Variants in CSMD3 observed in about 807,000 individuals in gnomAD.
The protein encoded by CSMD3 is CUB and sushi domain-containing protein 3.
In CSMD3, 177 loss-of-function variants were observed where a neutral mutation model predicts 435.2. The observed-to-expected ratio is 0.41, with a 90% CI of 0.36 to 0.46. The LOEUF is 0.46. Ranked by LOEUF, CSMD3 falls within the 20% of genes least tolerant of loss-of-function variation. The pLI, the probability that CSMD3 is intolerant of heterozygous loss-of-function variation, is 0.34. For missense variants in CSMD3, 4,265 were observed against 4,504.6 expected, an observed-to-expected ratio of 0.95 and a Z score of 1.52; for synonymous variants, 1,656 against 1,520.5, an observed-to-expected ratio of 1.09 and a Z score of -2.07.
intron 6 of CSMD3, among the ~76,000 whole-genome samples, chr8:112,978,240 A>G (rs1475969369): frequency 6.6e-6 from 1 of 152,056 alleles, no homozygotes; most frequent in Non-Finnish European, 1.5e-5. Flanking sequence ...AATTTATACT[A>G]TGTCACATGT....
intron 31 of CSMD3, among the ~76,000 whole-genome samples, chr8:112,491,492 A>G (rs756996483): frequency 1.6e-4 from 25 of 151,996 alleles, no homozygotes; most frequent in Non-Finnish European, 3.2e-4. Flanking sequence ...TCTACTAAAA[A>G]TACAAAAATT....
intron 9 of CSMD3, among the ~76,000 whole-genome samples, chr8:112,946,351 A>C (rs1191444247): frequency 6.6e-6 from 1 of 151,768 alleles, no homozygotes; most frequent in Non-Finnish European, 1.5e-5. Context: ...TGCAGAAGAC[A>C]AGATAATTTA....
chr8:113,124,396 C>A (rs575463399), intron 4 of CSMD3, among the ~76,000 whole-genome samples: 24 of 151,380 alleles, frequency 1.6e-4, no homozygotes, highest in Non-Finnish European at 3.1e-4. Flanking sequence ...CATTATTTAA[C>A]GAGACATCAT....
intron 3 of CSMD3, among the ~76,000 whole-genome samples, chr8:113,211,375 ATTTG>A (rs1307130403): frequency 6.6e-6 from 1 of 152,154 alleles, no homozygotes; most frequent in African/African-American, 2.4e-5. Flanking sequence ...TCACTAAATA[ATTTG>A]TTTGTAAAAC....
intron 30 of CSMD3, among the ~76,000 whole-genome samples, chr8:112,495,538 T>C (rs1381107119): frequency 1.3e-5 from 2 of 152,244 alleles, no homozygotes. Flanking sequence ...TATGTTTACA[T>C]ACTGCTTTAA....
intron 10 of CSMD3, among the ~76,000 whole-genome samples, chr8:112,880,670 T>C (rs1409004517): frequency 6.6e-6 from 1 of 152,004 alleles, no homozygotes. Flanking sequence ...GGGATGTAAA[T>C]AAATGCCTAT....
chr8:113,024,264 G>A (rs1262178923), intron 5 of CSMD3, among the ~76,000 whole-genome samples: 2 of 151,156 alleles, frequency 1.3e-5, no homozygotes, highest in Non-Finnish European at 2.9e-5. Flanking sequence ...TCTTTCTTAA[G>A]GCTGCATAGT....
In CSMD3 at chr8:112,952,682, C is replaced by T. The variant is rs142036310; in HGVS notation, c.1420+2002G>A. On this transcript the variant is annotated intron_variant, in intron 8 of 70. Transcript: ENST00000297405. ...AGGAAATTTGCAAAAAATATTTTGA[C>T]TGAAGTGAGAATTACTTATCTTCAA... Among the ~76,000 whole-genome samples, 1,006 of 151,324 alleles carry T rather than the reference C, an allele frequency of 6.6e-3. 13 individuals carry two copies. The highest frequency in any genetic ancestry group is 0.023 in the African/African-American group (966 of 41,402).
chr8:113,020,212 T>TCTC (rs1466151003), intron 5 of CSMD3, among the ~76,000 whole-genome samples: 1 of 150,986 alleles, frequency 6.6e-6, no homozygotes, highest in Non-Finnish European at 1.5e-5. Flanking sequence ...TTCTATAATG[T>TCTC]ATTAGAGGCC....
chr8:112,725,187 T>TA (rs2076937808), intron 13 of CSMD3, among the ~76,000 whole-genome samples: 1 of 151,998 alleles, frequency 6.6e-6, no homozygotes. Flanking sequence ...AAATCCATGC[T>TA]TTTATAATCA....
chr8:112,414,745 G>C (rs1282389006), intron 32 of CSMD3, among the ~76,000 whole-genome samples: 1 of 152,186 alleles, frequency 6.6e-6, no homozygotes, highest in Non-Finnish European at 1.5e-5. Context: ...CCAAAATGCT[G>C]ATAGTGATAT....
chr8:113,241,049 G>T (rs1311839692), intron 3 of CSMD3, among the ~76,000 whole-genome samples: 1 of 152,056 alleles, frequency 6.6e-6, no homozygotes, highest in African/African-American at 2.4e-5. Context: ...AGCTGATATT[G>T]TTTTGCTTTT....
chr8:112,365,781 T>A (rs1827731102), intron 38 of CSMD3, among the ~76,000 whole-genome samples: 1 of 152,128 alleles, frequency 6.6e-6, no homozygotes, highest in Non-Finnish European at 1.5e-5. Context: ...AGATGAAGCC[T>A]GCAAAAGCAC....
rs191294416 is a variant in CSMD3 at position 112,977,043 on chromosome 8, A to T, written c.1031-895T>A. ...TTAATAATTTAGAAGTATGTATTCA[A>T]AGTGTCAAATTAGAGTTTGCTTTTT... On this transcript the variant is annotated intron_variant, in intron 6 of 70. Transcript: ENST00000297405. 2.9e-3 allele frequency among the ~76,000 whole-genome samples: 440 copies of T among 152,116 alleles called. 4 individuals are homozygous for T. The highest frequency in any genetic ancestry group is 0.028 in the East Asian group (144 of 5,166).
At chr8:112,288,050 G>A (rs1313958870) in intron 57 of CSMD3, among the ~76,000 whole-genome samples, 1 of 151,778 alleles carries the variant, frequency 6.6e-6, no homozygotes, top group African/African-American at 2.4e-5. Flanking sequence ...GAGAGAGAGA[G>A]AAGGGTTGAA....
chr8:112,460,578 A>G (rs902945599), intron 32 of CSMD3, among the ~76,000 whole-genome samples: 12 of 152,134 alleles, frequency 7.9e-5, no homozygotes, highest in African/African-American at 2.9e-4. Flanking sequence ...ATCTCTGTCC[A>G]GATATTGATT....
chr8:113,393,039 G>A (rs180803496), intron 1 of CSMD3, among the ~76,000 whole-genome samples: 1 of 151,444 alleles, frequency 6.6e-6, no homozygotes, highest in Non-Finnish European at 1.5e-5. Context: ...AACCATGTAT[G>A]TTTGTATATT....
In CSMD3 at chr8:112,994,550, T is replaced by C. The variant is rs558214271; in HGVS notation, c.1031-18402A>G. On this transcript the variant is annotated intron_variant, in intron 6 of 70. Coordinates refer to ENST00000297405, the MANE Select transcript of CSMD3 (RefSeq NM_198123.2). ...TATAGCAAGGTACTGTGAAAGGTGC[T>C]TTCCAAAATACTATGGGATATAATT... Among the ~76,000 whole-genome samples, 4 of 151,800 alleles carry C rather than the reference T, an allele frequency of 2.6e-5. No homozygotes were observed. In the East Asian group the frequency reaches 5.8e-4, roughly 22 times the overall value.
chr8:112,282,179 A>C (rs1484467929), intron 58 of CSMD3, among the ~76,000 whole-genome samples: 2 of 152,044 alleles, frequency 1.3e-5, no homozygotes, highest in African/African-American at 4.8e-5. Flanking sequence ...TACCATCTGC[A>C]TCTCTTGCTG....
Sources: allele counts gnomAD v4.1 joint callset (sites outside exome capture counted in the v4.1 genomes callset), GRCh38; gene constraint gnomAD v4.1.1; transcripts MANE v1.5; gene names NCBI Gene and HGNC (gene_info 2026-07-23, HGNC 2026-07-21).